DPP6: variants seen among roughly 807,000 people sequenced by gnomAD.
The protein encoded by DPP6 is A-type potassium channel modulatory protein DPP6.
In DPP6, 69 loss-of-function variants were observed where a neutral mutation model predicts 122.6. The observed-to-expected ratio is 0.56, with a 90% CI of 0.46 to 0.69. The LOEUF is 0.69. Among genes scored for constraint, DPP6 ranks in the 30% least tolerant of loss-of-function variants. The pLI is 0.00. For synonymous variants in DPP6, 418 were observed against 433.1 expected (o/e 0.97, Z 0.43); for missense variants, 928 against 1,116.9 (o/e 0.83, Z 2.41).
chr7:154,841,803 G>A (rs1801570819), intron 16 of DPP6, among the ~76,000 whole-genome samples: 1 of 151,956 alleles, frequency 6.6e-6, no homozygotes, highest in African/African-American at 2.4e-5. Flanking sequence ...ATGGGAAATA[G>A]GATCACTTTC....
rs151282281 is a variant in DPP6, at chr7:154,177,329, T to C, written c.243+124266T>C. Among the ~76,000 whole-genome samples, 347 of 152,110 alleles carry C rather than the reference T, an allele frequency of 2.3e-3. 1 individual carries two copies. The highest frequency in any genetic ancestry group is 0.01 in the Middle Eastern group (3 of 294). ...CAAAATTAGCTTTACCAATGAGATA[T>C]GGTAAAAAAAAGAAGTATAAGTGAT... On this transcript the variant is annotated intron_variant, in intron 1 of 25. Transcript: ENST00000377770.
exon 1 of DPP6, chr7:153,887,220 T>A (rs1798964071): frequency 6.5e-6 from 1 of 153,118 alleles, no homozygotes; most frequent in African/African-American, 2.4e-5. Flanking sequence ...CACCGCCTGC[T>A]GGAGGAGCCC....
intron 3 of DPP6, among the ~76,000 whole-genome samples, chr7:154,531,425 A>G (rs1272335917): frequency 1.3e-5 from 2 of 152,200 alleles, no homozygotes; most frequent in Admixed American, 6.5e-5. Flanking sequence ...CTGGAAATCT[A>G]TATTCACAGA....
At chr7:154,579,596 C>T (rs1334008209) in intron 5 of DPP6, among the ~76,000 whole-genome samples, 2 of 152,158 alleles carry the variant, frequency 1.3e-5, no homozygotes, top group African/African-American at 4.8e-5. Flanking sequence ...TAAGGGCCTG[C>T]CATTGGCAAG....
chr7:154,324,574 T>G (rs2151024170), intron 1 of DPP6, among the ~76,000 whole-genome samples: 1 of 152,278 alleles, frequency 6.6e-6, no homozygotes. Context: ...TTGATTGCAC[T>G]CACCTTTTGT....
intron 2 of DPP6, among the ~76,000 whole-genome samples, chr7:154,469,947 T>A (rs1185529790): frequency 6.6e-6 from 1 of 152,208 alleles, no homozygotes; most frequent in African/African-American, 2.4e-5. Context: ...TAAGCAAAAG[T>A]GATCTCATTG....
In DPP6 at chr7:154,892,626, G is replaced by A. The variant is rs953201999; in HGVS notation, c.*146G>A. On this transcript the variant is annotated 3_prime_UTR_variant, in exon 26 of 26. Transcript: ENST00000377770. ...ATGTGTGTCTCGGATGCGGAAGGCA[G>A]TTTTGCTTGGGAAACAAGCTCCTTC... 45 of 1,490,216 alleles carry A rather than the reference G, an allele frequency of 3.0e-5. No homozygotes were observed. The African/African-American group carries it at 5.0e-4, about 16-fold the overall frequency. The allele number at this position is 1,490,216 out of a possible 1,614,324, so 92.3% of individuals were successfully genotyped here.
chr7:154,247,037 G>C (rs1320926690), intron 1 of DPP6, among the ~76,000 whole-genome samples: 1 of 152,188 alleles, frequency 6.6e-6, no homozygotes, highest in Admixed American at 6.5e-5. Flanking sequence ...CAAGGGCCAG[G>C]TGCAGTGGCT....
chr7:154,194,287 C>A (rs1284017208), intron 1 of DPP6, among the ~76,000 whole-genome samples: 1 of 151,914 alleles, frequency 6.6e-6, no homozygotes, highest in Non-Finnish European at 1.5e-5. Context: ...GAAAATATAA[C>A]CAGGGGGTGA....
chr7:153,980,454 T>G (rs1182186206), intron 1 of DPP6, among the ~76,000 whole-genome samples: 2 of 152,224 alleles, frequency 1.3e-5, no homozygotes. Flanking sequence ...TTTATTAGTC[T>G]GGTTAGTGGT....
intron 16 of DPP6, among the ~76,000 whole-genome samples, chr7:154,835,499 C>T (rs1997093): frequency 0.1 from 15,451 of 152,212 alleles, 926 homozygotes; most frequent in African/African-American, 0.16. Context: ...CCTTCTTCAA[C>T]CACCTACAAT....
intron 1 of DPP6, among the ~76,000 whole-genome samples, chr7:154,254,938 AT>A (rs2150903228): frequency 6.6e-6 from 1 of 152,220 alleles, no homozygotes; most frequent in African/African-American, 2.4e-5. Context: ...GGAAACGCAA[AT>A]TGTATTTCCT....
At chr7:153,863,898 T>C in the DPP6 span, among the ~76,000 whole-genome samples, 1 of 152,242 alleles carries the variant, frequency 6.6e-6, no homozygotes, top group Non-Finnish European at 1.5e-5. Context: ...CGTTGTGGCA[T>C]GTATCAGTAC....
intron 16 of DPP6, among the ~76,000 whole-genome samples, chr7:154,839,288 A>G (rs942641249): frequency 6.6e-6 from 1 of 152,242 alleles, no homozygotes; most frequent in African/African-American, 2.4e-5. Flanking sequence ...AACTTGCCCA[A>G]GTCTACTGAG....
chr7:154,577,532 T>C (rs1831764255), intron 5 of DPP6, among the ~76,000 whole-genome samples: 1 of 152,132 alleles, frequency 6.6e-6, no homozygotes, highest in Admixed American at 6.5e-5. Flanking sequence ...GCAGTGATAA[T>C]GTAGTAATAA....
At chr7:154,455,934 A>T (rs1820786286) in intron 2 of DPP6, among the ~76,000 whole-genome samples, 1 of 152,090 alleles carries the variant, frequency 6.6e-6, no homozygotes, top group Non-Finnish European at 1.5e-5. Context: ...CCTCCTGGTC[A>T]GCTTCAAATT....
At chr7:154,031,876 T>C (rs1363350387) in intron 1 of DPP6, among the ~76,000 whole-genome samples, 1 of 77,190 alleles carries the variant, frequency 1.3e-5, no homozygotes, top group Non-Finnish European at 2.7e-5. Flanking sequence ...TTTTTTTTTT[T>C]TGGGGGACGG....
At chr7:154,058,257 T>C (rs143223960) in intron 1 of DPP6, 79,970 of 136,038 alleles carry the variant, frequency 0.59, 23,190 homozygotes, top group South Asian at 0.69. Flanking sequence ...GCACCCCTCG[T>C]GATGCGGGGA....
chr7:154,141,981 TA>T (rs1795870930), intron 1 of DPP6, among the ~76,000 whole-genome samples: 1 of 152,226 alleles, frequency 6.6e-6, no homozygotes, highest in Non-Finnish European at 1.5e-5. Flanking sequence ...CAAAAGGAGC[TA>T]AACCTTAAAA....
Sources: allele counts gnomAD v4.1 joint callset (sites outside exome capture counted in the v4.1 genomes callset), GRCh38; gene constraint gnomAD v4.1.1; transcripts MANE v1.5; gene names NCBI Gene and HGNC (gene_info 2026-07-23, HGNC 2026-07-21).